The following TCF4 variants were observed in gnomAD, a reference collection of about 807,000 sequenced individuals.
TCF4 encodes transcription factor 4, also known as SL3-3 enhancer factor 2.
Under a neutral mutation model 82.1 loss-of-function variants are expected in TCF4, and 3 were observed. The ratio of observed to expected loss-of-function variants is 0.04; its 90% CI spans 0.02 to 0.09. The LOEUF (loss-of-function observed/expected upper bound fraction) is 0.09. TCF4 is among the 10% of genes least tolerant of loss of function. The pLI is 1.00. For missense variants in TCF4, 518 were observed against 852.7 expected (o/e 0.61, Z 4.89); for synonymous variants, 276 against 309.6 (o/e 0.89, Z 1.14).
intron 3 of TCF4, chr18:55,553,118 G>C (rs2097274414): frequency 6.6e-6 from 1 of 152,234 alleles, no homozygotes; most frequent in African/African-American, 2.4e-5. Context: ...ATTTCTATAA[G>C]AGTGACTTAG....
chr18:55,373,955 C>A (rs1014351869), intron 6 of TCF4, among the ~76,000 whole-genome samples: 1 of 151,654 alleles, frequency 6.6e-6, no homozygotes, highest in Non-Finnish European at 1.5e-5. Flanking sequence ...CATTTCCCCA[C>A]TCAGAATGCA....
At chr18:55,434,795 T>TGTGTGTGC (rs1233861374) in intron 5 of TCF4, among the ~76,000 whole-genome samples, 2 of 151,670 alleles carry the variant, frequency 1.3e-5, no homozygotes, top group Non-Finnish European at 2.9e-5. Flanking sequence ...TGTGTGTGTG[T>TGTGTGTGC]GTATTTTAAT....
At chr18:55,586,138 G>GAGGAGA (rs2097643827) in intron 2 of TCF4, 2 of 1,298,556 alleles carry the variant, frequency 1.5e-6, no homozygotes, top group Non-Finnish European at 2.1e-6. Context: ...GGAGGAGAAG[G>GAGGAGA]AGGAGGAGGA....
chr18:55,373,197 TA>T (rs1418955812), intron 6 of TCF4, among the ~76,000 whole-genome samples: 2 of 151,136 alleles, frequency 1.3e-5, no homozygotes, highest in African/African-American at 2.4e-5. Context: ...TAAAAATATA[TA>T]AAAAATATGT....
intron 3 of TCF4, among the ~76,000 whole-genome samples, chr18:55,509,871 T>C (rs547892967): frequency 1.3e-5 from 2 of 152,276 alleles, no homozygotes; most frequent in South Asian, 4.2e-4. Context: ...ATTCCTTTGA[T>C]AATCAAGCCC....
chr18:55,466,243 A>G (rs2144987161), intron 3 of TCF4, among the ~76,000 whole-genome samples: 1 of 152,308 alleles, frequency 6.6e-6, no homozygotes. Context: ...CACCTGTGAT[A>G]CCAGCACGTT....
chr18:55,463,329 C>T (rs1008970462), intron 4 of TCF4, among the ~76,000 whole-genome samples: 2 of 152,068 alleles, frequency 1.3e-5, no homozygotes, highest in Non-Finnish European at 1.5e-5. Flanking sequence ...AAAATGAGGA[C>T]CCAAGAGGTG....
Position 55,228,835 on chromosome 18 carries a change from G to T in TCF4, c.1879+12C>A, listed in dbSNP as rs1345543796. Reference sequence around the variant, plus strand: ...CCTCACGAGCTCTGCAAGGAGGCTGGCCTGCACTGACCTCGGACTTGCTGC... The same window carrying T: ...CCTCACGAGCTCTGCAAGGAGGCTGTCCTGCACTGACCTCGGACTTGCTGC... On this transcript the variant is annotated intron_variant, in intron 18 of 19. Transcript: ENST00000354452. The T allele has an allele frequency of 6.2e-7, 1 of 1,613,606 alleles. No individual in the cohort carries two copies. The highest frequency in any genetic ancestry group is 1.3e-5 in the African/African-American group (1 of 74,912).
In TCF4 at chr18:55,471,186, T is replaced by C. The variant is rs550937208; in HGVS notation, c.146-7049A>G. 2.0e-3 allele frequency among the ~76,000 whole-genome samples: 307 copies of C among 152,304 alleles called. 1 individual carries two copies. The highest frequency in any genetic ancestry group is 7.1e-3 in the African/African-American group (294 of 41,556). ...AAGTAGAGTAATTTGAAGTCAAATT[T>C]GAGTACTATTACAGACATAGGAAGA... On this transcript the variant is annotated intron_variant, in intron 3 of 19. Transcript: ENST00000354452.
At chr18:55,597,398 TCCC>T (rs201212149) in intron 2 of TCF4, among the ~76,000 whole-genome samples, 2,999 of 151,836 alleles carry the variant, frequency 0.02, 49 homozygotes, top group Admixed American at 0.044. Context: ...CCCTTCCCTC[TCCC>T]CCAAAGAAAA....
chr18:55,234,581 G>A lies in TCF4; in HGVS notation c.1453C>T (p.Pro485Ser). 5 of 1,614,142 alleles carry A rather than the reference G, an allele frequency of 3.1e-6. No individual in the cohort carries two copies. Among genetic ancestry groups the A allele is most frequent in the Non-Finnish European group, 4.2e-6 (5 of 1,180,016 alleles). Reference sequence around the variant, plus strand: ...GGGTCCTGGGGTGGGTTCAGGTCAGGGGAAGTCGCAGACTGGACAGGAAGC... The same window carrying A: ...GGGTCCTGGGGTGGGTTCAGGTCAGAGGAAGTCGCAGACTGGACAGGAAGC... ...PQLPVQSATSPDLNPPQDPYR... is the reference protein window; with the variant it reads ...PQLPVQSATSSDLNPPQDPYR... The change falls in exon 16 of 20, where the codon CCT (proline) becomes TCT (serine). Residue 485 changes from proline to serine, a missense_variant. Pro to Ser is a moderately conservative substitution (Grantham distance 74). Around this residue, in one of 7 missense-constraint regions of TCF4, gnomAD observed 144 missense variants for 190.2 expected, o/e 0.76. Transcript: ENST00000354452.
intron 3 of TCF4, chr18:55,551,726 A>T (rs1171489952): frequency 6.6e-6 from 1 of 152,160 alleles, no homozygotes; most frequent in African/African-American, 2.4e-5. Context: ...ATTTATTTCA[A>T]ATATGCTTCA....
intron 6 of TCF4, among the ~76,000 whole-genome samples, chr18:55,372,454 A>T (rs1471751379): frequency 3.9e-5 from 6 of 152,148 alleles, no homozygotes; most frequent in South Asian, 2.1e-4. Context: ...TTAGAGCTGC[A>T]AGGCAAGCCA....
chr18:55,295,675 T>A (rs2066318877), intron 8 of TCF4, among the ~76,000 whole-genome samples: 1 of 152,176 alleles, frequency 6.6e-6, no homozygotes, highest in African/African-American at 2.4e-5. Flanking sequence ...GGCTCACAAG[T>A]CGCTTTTTGA....
intron 3 of TCF4, among the ~76,000 whole-genome samples, chr18:55,545,927 T>C (rs937063796): frequency 6.6e-6 from 1 of 152,206 alleles, no homozygotes; most frequent in Non-Finnish European, 1.5e-5. Flanking sequence ...GGTATTTTTT[T>C]CCCCCATAAC....
At chr18:55,480,765 C>G (rs1367260767) in intron 3 of TCF4, among the ~76,000 whole-genome samples, 2 of 152,128 alleles carry the variant, frequency 1.3e-5, no homozygotes, top group African/African-American at 2.4e-5. Context: ...TGGTGGGGGA[C>G]AAGGATTGAT....
At chr18:55,239,653 G>A (rs2144889763) in intron 15 of TCF4, among the ~76,000 whole-genome samples, 1 of 152,332 alleles carries the variant, frequency 6.6e-6, no homozygotes. Context: ...CCAAGGCCAA[G>A]ATGTCTAACT....
Position 55,615,236 on chromosome 18 carries a change from C to T in TCF4, c.286+16062G>A, listed in dbSNP as rs561790866. On this transcript the variant is annotated intron_variant, in intron 2 of 20. Coordinates refer to the TCF4 transcript ENST00000398339. ...GCTATATCTCTTCATTTAATTAGAT[C>T]TCTAATTTTTCTCAGCAATGATTTC... is the stretch of plus-strand genomic sequence containing the variant. Among the ~76,000 whole-genome samples the T allele has an allele frequency of 7.2e-5, 11 of 152,198 alleles. No homozygotes were observed. The South Asian group carries it at 1.0e-3, about 14-fold the overall frequency.
intron 3 of TCF4, among the ~76,000 whole-genome samples, chr18:55,475,146 G>T (rs560343272): frequency 6.6e-6 from 1 of 152,090 alleles, no homozygotes; most frequent in African/African-American, 2.4e-5. Flanking sequence ...CTCCCTCTCC[G>T]GTAGAAGACA....
Sources: allele counts gnomAD v4.1 joint callset (sites outside exome capture counted in the v4.1 genomes callset), GRCh38; gene constraint gnomAD v4.1.1; regional missense constraint gnomAD v4.1.1; transcripts MANE v1.5; gene names NCBI Gene and HGNC (gene_info 2026-07-23, HGNC 2026-07-21).